Variants in PCSK6 observed in about 807,000 individuals in gnomAD.
PCSK6 encodes the protein paired basic amino acid cleaving enzyme 4.
In PCSK6, 85 loss-of-function variants were observed where a neutral mutation model predicts 123.3. That is an observed-to-expected ratio of 0.69 (90% CI 0.58 to 0.83). PCSK6 has a LOEUF of 0.83. Among genes scored for constraint, PCSK6 ranks in the 40% least tolerant of loss-of-function variants. The probability of loss-of-function intolerance (pLI) is 0.00; values close to 1 mark genes in which losing one functional copy is unlikely to be tolerated. For synonymous variants in PCSK6, 508 were observed against 516.0 expected (o/e 0.98, Z 0.21); for missense variants, 1,191 against 1,282.3 (o/e 0.93, Z 1.09).
chr15:101,482,023 G>A (rs2057900487), intron 1 of PCSK6, among the ~76,000 whole-genome samples: 1 of 152,246 alleles, frequency 6.6e-6, no homozygotes, highest in Non-Finnish European at 1.5e-5. Context: ...CGCACCCGGT[G>A]GACAGAGGGA....
rs548094227 is a variant in PCSK6, at chr15:101,382,104, T to C, written c.1520A>G (p.Asp507Gly). The C allele has an allele frequency of 1.2e-6, 2 of 1,606,412 alleles. No homozygotes were observed. The highest frequency in any genetic ancestry group is 4.5e-5 in the East Asian group (2 of 44,694). Residue 507 changes from aspartate (D) to glycine (G), a missense_variant, in exon 11 of 22, where the codon GAC (aspartate) becomes GGC (glycine). Coordinates refer to ENST00000611716, the MANE Select transcript of PCSK6 (RefSeq NM_002570.5). ...PSQHMCVAAS[D>G]KRPRSIPLVQ... is the part of the protein sequence containing the mutation. ...AGCAGAGCCTTACCTGGGTCTCTTG[T>C]CCGAGGCGGCCACACACATGTGCTG...
At chr15:101,411,451 C>G (rs563269280) in intron 6 of PCSK6, among the ~76,000 whole-genome samples, 1 of 152,268 alleles carries the variant, frequency 6.6e-6, no homozygotes, top group African/African-American at 2.4e-5. Flanking sequence ...CAGCTCCCTC[C>G]ACTCCACATC....
intron 4 of PCSK6, among the ~76,000 whole-genome samples, 169 bp downstream of exon 4, chr15:101,431,151 G>C (rs1296979069): frequency 6.6e-6 from 1 of 152,242 alleles, no homozygotes; most frequent in African/African-American, 2.4e-5. Context: ...CCTGACAGTA[G>C]CAAGTAGCAG....
intron 18 of PCSK6, among the ~76,000 whole-genome samples, chr15:101,320,147 A>G (rs2040084169): frequency 6.6e-6 from 1 of 152,114 alleles, no homozygotes; most frequent in African/African-American, 2.4e-5. Context: ...GTGCAGTGGC[A>G]CGATCTCAGC....
At chr15:101,334,522 C>A (rs915015642) in intron 13 of PCSK6, 5 of 152,268 alleles carry the variant, frequency 3.3e-5, no homozygotes, top group African/African-American at 7.2e-5. Flanking sequence ...TGGTGAGGAA[C>A]CTCTGACTCT....
intron 11 of PCSK6, among the ~76,000 whole-genome samples, chr15:101,372,976 C>G (rs1337890894): frequency 2.0e-5 from 3 of 151,448 alleles, no homozygotes; most frequent in African/African-American, 7.3e-5. Flanking sequence ...TGATAAGGCA[C>G]AGGGATGAGA....
chr15:101,436,913 A>G (rs2056617721), intron 2 of PCSK6, among the ~76,000 whole-genome samples: 1 of 152,224 alleles, frequency 6.6e-6, no homozygotes, highest in South Asian at 2.1e-4. Context: ...ATAATGTGCA[A>G]CGTGGCCCTT....
At chr15:101,472,908 G>T (rs1392840720) in intron 1 of PCSK6, among the ~76,000 whole-genome samples, 1 of 152,204 alleles carries the variant, frequency 6.6e-6, no homozygotes, top group East Asian at 1.9e-4. Flanking sequence ...GGTTAGGTTT[G>T]AGAGCTGCCC....
intron 6 of PCSK6, among the ~76,000 whole-genome samples, chr15:101,419,984 C>T (rs936967935): frequency 4.0e-5 from 6 of 151,734 alleles, no homozygotes; most frequent in African/African-American, 1.2e-4. Flanking sequence ...GTCAGGAGTC[C>T]GAGATCAGCC....
intron 6 of PCSK6, among the ~76,000 whole-genome samples, chr15:101,421,672 T>C (rs1438635479): frequency 6.6e-6 from 1 of 152,134 alleles, no homozygotes; most frequent in Non-Finnish European, 1.5e-5. Context: ...TGGAAGTGAA[T>C]CCTCCAGACT....
Position 101,450,693 on chromosome 15 carries a change from C to T in PCSK6, c.298-7033G>A, listed in dbSNP as rs544240314. Among the ~76,000 whole-genome samples the T allele has an allele frequency of 3.8e-3, 576 of 152,276 alleles. 1 individual carries two copies. The highest frequency in any genetic ancestry group is 0.031 in the Middle Eastern group (9 of 294). Reference sequence around the variant, plus strand: ...TGTGTCCAGCTGTCCAGTGAGGCCCCGCATCCAGAGGTGGGGTGAGCATGC... The same window carrying T: ...TGTGTCCAGCTGTCCAGTGAGGCCCTGCATCCAGAGGTGGGGTGAGCATGC... On this transcript the variant is annotated intron_variant, in intron 1 of 21. Transcript: ENST00000611716.
At chr15:101,475,194 G>C (rs2141247084) in intron 1 of PCSK6, among the ~76,000 whole-genome samples, 1 of 152,314 alleles carries the variant, frequency 6.6e-6, no homozygotes, top group Non-Finnish European at 1.5e-5. Context: ...GTCTATTTTA[G>C]GTGGGGACTT....
intron 6 of PCSK6, among the ~76,000 whole-genome samples, chr15:101,415,694 G>A (rs1344027971): frequency 6.6e-6 from 1 of 152,216 alleles, no homozygotes; most frequent in Non-Finnish European, 1.5e-5. Context: ...CCCACATGTT[G>A]TGGGAGGGAC....
At position 101,343,386 on chromosome 15, in the gene PCSK6, ATTCT is replaced by A. The variant is rs545880888; in HGVS notation, c.1859-11359_1859-11356del. The stretch of plus-strand genomic sequence containing the variant: ...TATTTTAAAAATTCCTTCTTTCTTC[ATTCT>A]TTATGTTGTTGGTTTTTTTCTATCA... On this transcript the variant is annotated intron_variant, in intron 13 of 21. Coordinates refer to ENST00000611716, the MANE Select transcript of PCSK6 (RefSeq NM_002570.5). 5.9e-5 allele frequency among the ~76,000 whole-genome samples: 9 copies of A among 151,764 alleles called. No individual in the cohort carries two copies. The East Asian group carries it at 1.7e-3, about 29-fold the overall frequency.
At position 101,398,370 on chromosome 15, in the gene PCSK6, C is replaced by T. The variant is rs1368096144; in HGVS notation, c.996+34G>A. 1 of 1,577,018 alleles carries T rather than the reference C, an allele frequency of 6.3e-7. No homozygotes were observed. Among genetic ancestry groups the T allele is most frequent in the Non-Finnish European group, 8.6e-7 (1 of 1,156,336 alleles). ...AAAATGTTTACTGTCACCCTTGTCC[C>T]AGAGCGCTCCCCTGTAGCCCTGGTT... On this transcript the variant is annotated intron_variant, in intron 7 of 21. Coordinates refer to ENST00000611716, the MANE Select transcript of PCSK6 (RefSeq NM_002570.5). This position sits in a 1 kb window ranked among gnomAD's most constrained non-coding sequence, Gnocchi z 4.6.
chr15:101,481,073 C>T (rs539516366), intron 1 of PCSK6, among the ~76,000 whole-genome samples: 4 of 152,280 alleles, frequency 2.6e-5, no homozygotes, highest in East Asian at 1.9e-4. Context: ...GCACGTCTGC[C>T]GGCCACCACA....
intron 8 of PCSK6, 86 bp from the exon 9 acceptor site, chr15:101,389,650 C>A: frequency 9.6e-7 from 1 of 1,042,492 alleles, no homozygotes; most frequent in Non-Finnish European, 1.4e-6. Flanking sequence ...TCAGGTGCCA[C>A]TAACTGGCAA....
chr15:101,421,007 C>T (rs906768132), intron 6 of PCSK6, among the ~76,000 whole-genome samples: 5 of 152,178 alleles, frequency 3.3e-5, no homozygotes, highest in Non-Finnish European at 7.3e-5. Context: ...AGTGCAGTGG[C>T]ACGATCTTGG....
At chr15:101,410,761 A>T (rs1404648640) in intron 6 of PCSK6, among the ~76,000 whole-genome samples, 1 of 152,212 alleles carries the variant, frequency 6.6e-6, no homozygotes, top group Non-Finnish European at 1.5e-5. Flanking sequence ...CTTCAGGGCA[A>T]CAGGCCTGAG....
Sources: allele counts gnomAD v4.1 joint callset (sites outside exome capture counted in the v4.1 genomes callset), GRCh38; gene constraint gnomAD v4.1.1; non-coding constraint Gnocchi (gnomAD v3.1); transcripts MANE v1.5; gene names NCBI Gene and HGNC (gene_info 2026-07-23, HGNC 2026-07-21).